Variants in PHEX observed in about 807,000 individuals in gnomAD.
PHEX encodes the protein phosphate regulating endopeptidase X-linked, also known as phosphate-regulating neutral endopeptidase PHEX.
In PHEX, 16 loss-of-function variants were observed where a neutral mutation model predicts 68.0. That is an observed-to-expected ratio of 0.24 (90% CI 0.16 to 0.36). The LOEUF (loss-of-function observed/expected upper bound fraction) is 0.36. Ranked by LOEUF, PHEX falls within the 10% of genes least tolerant of loss-of-function variation. PHEX has a pLI of 1.00. For synonymous variants in PHEX, 208 were observed against 205.1 expected, an observed-to-expected ratio of 1.01 and a Z score of -0.12; for missense variants, 480 against 575.5, an observed-to-expected ratio of 0.83 and a Z score of 1.70.
rs774635644 is a variant in PHEX at position 22,232,996 on chromosome X, GT to G, written c.2070+5386del. On this transcript the variant is annotated intron_variant, in intron 20 of 21. Transcript: ENST00000379374. ...GAGCTCTTGTAAGGAAGGCCTGGTG[GT>G]GACAAAATCTCTCAGCCTTTGCTTG... 3.9e-3 allele frequency among the ~76,000 whole-genome samples: 435 copies of G among 111,306 alleles called. 2 individuals are homozygous for G. The highest frequency in any genetic ancestry group is 0.014 in the African/African-American group (417 of 30,568).
chrX:22,198,296 T>C (rs1934438481), intron 15 of PHEX, among the ~76,000 whole-genome samples: 1 of 106,917 alleles, frequency 9.4e-6, no homozygotes, highest in South Asian at 3.9e-4. Flanking sequence ...TGGTATAGAG[T>C]GTGGTTCATA....
intron 14 of PHEX, among the ~76,000 whole-genome samples, chrX:22,181,652 CTGTAGATTGCTTTTGGTAGTATGGGCGTT>C (rs1248276206): frequency 9.0e-6 from 1 of 111,603 alleles, no homozygotes; most frequent in Admixed American, 9.5e-5. Context: ...TACAGTGAAT[CTGTAGATTGCTTTTGGTAGTATGGGCGTT>C]TTCACAGTAT....
chrX:22,098,246 A>G (rs1321746923), intron 8 of PHEX, among the ~76,000 whole-genome samples: 1 of 107,533 alleles, frequency 9.3e-6, no homozygotes, highest in Non-Finnish European at 1.9e-5. Context: ...AAGAATTTAG[A>G]AGGAGGAAGA....
At chrX:22,103,669 G>A (rs1181833179) in intron 9 of PHEX, among the ~76,000 whole-genome samples, 1 of 112,259 alleles carries the variant, frequency 8.9e-6, no homozygotes, top group African/African-American at 3.2e-5. Context: ...ATTCCATGGT[G>A]TATATATACC....
chrX:22,090,638 A>G, intron 6 of PHEX, 141 bp downstream of exon 6: 1 of 505,240 alleles, frequency 2.0e-6, no homozygotes, highest in African/African-American at 2.3e-5. Flanking sequence ...ACTTTTATTC[A>G]GGCAGATAAA....
At chrX:22,207,544 A>C (rs950434728) in intron 15 of PHEX, among the ~76,000 whole-genome samples, 4 of 111,399 alleles carry the variant, frequency 3.6e-5, no homozygotes, top group Non-Finnish European at 7.5e-5. Flanking sequence ...GTAAGTCTTG[A>C]AATGTATGAT....
At chrX:22,118,389 G>A (rs187594420) in intron 11 of PHEX, among the ~76,000 whole-genome samples, 1 of 103,428 alleles carries the variant, frequency 9.7e-6, no homozygotes, top group Admixed American at 1.1e-4. Context: ...ACAAGAGCAG[G>A]CCAGGCCAGT....
intron 12 of PHEX, among the ~76,000 whole-genome samples, chrX:22,160,932 G>A (rs1399887532): frequency 9.1e-6 from 1 of 110,115 alleles, no homozygotes; most frequent in African/African-American, 3.3e-5. Context: ...TCAGGAGTTC[G>A]AGACCAGCCT....
intron 1 of PHEX, among the ~76,000 whole-genome samples, chrX:22,037,078 GA>G (rs1399051887): frequency 1.0e-5 from 1 of 96,658 alleles, no homozygotes; most frequent in Non-Finnish European, 2.0e-5. Context: ...CAGCCTGGGT[GA>G]CAGAGTGAGA....
At chrX:22,195,243 A>T (rs1213641363) in intron 15 of PHEX, among the ~76,000 whole-genome samples, 8 of 112,083 alleles carry the variant, frequency 7.1e-5, no homozygotes, top group Non-Finnish European at 1.5e-4. Context: ...ATTGTGTCAC[A>T]AGACAAACAG....
At chrX:22,187,812 G>C (rs1163450276) in intron 14 of PHEX, among the ~76,000 whole-genome samples, 1 of 111,885 alleles carries the variant, frequency 8.9e-6, no homozygotes, top group Non-Finnish European at 1.9e-5. Context: ...CTAGGTTTCG[G>C]TTTTGAAGAG....
intron 12 of PHEX, among the ~76,000 whole-genome samples, chrX:22,142,772 C>A (rs1932524757): frequency 8.9e-6 from 1 of 112,452 alleles, no homozygotes; most frequent in South Asian, 3.7e-4. Flanking sequence ...CTCCCTTTTG[C>A]CTGCAAGGAG....
In PHEX at chrX:22,250,422, G is replaced by GAAGT. The variant is rs1936536281; in HGVS notation, c.*2470_*2473dup. ...AGCACGTTCAATGGAGGAGAGCCAT[G>GAAGT]AAGTTTTACAAAAATAATTATGGTA... On this transcript the variant is annotated 3_prime_UTR_variant, in exon 22 of 22. Coordinates refer to ENST00000379374, the MANE Select transcript of PHEX (RefSeq NM_000444.6). 8.9e-6 allele frequency: 1 copy of GAAGT among 111,832 alleles called. No individual in the cohort carries two copies. The highest frequency in any genetic ancestry group is 1.9e-5 in the Non-Finnish European group (1 of 53,191). 9.2% of individuals were successfully genotyped at this position (111,832 alleles called of 1,213,427 possible).
chrX:22,159,041 G>T (rs1052192739), intron 12 of PHEX, among the ~76,000 whole-genome samples: 2 of 113,027 alleles, frequency 1.8e-5, no homozygotes, highest in South Asian at 7.2e-4. Context: ...GAGATCTGTC[G>T]CATGTAAATG....
At chrX:22,147,657 A>G (rs1932753505) in intron 12 of PHEX, among the ~76,000 whole-genome samples, 1 of 111,109 alleles carries the variant, frequency 9.0e-6, no homozygotes. Flanking sequence ...ACAGCCTGAT[A>G]CCAAGAGAAG....
At chrX:22,130,548 C>CAA (rs35621431) in intron 11 of PHEX, among the ~76,000 whole-genome samples, 414 of 29,917 alleles carry the variant, frequency 0.014, 11 homozygotes, top group African/African-American at 0.04. Context: ...GACTCATTCT[C>CAA]AAAAAAAAAA....
Position 22,185,756 on chromosome X carries a change from GTT to G in PHEX, c.1587-4672_1587-4671del, listed in dbSNP as rs3085228. Among the ~76,000 whole-genome samples, 19 of 87,765 alleles carry G rather than the reference GTT, an allele frequency of 2.2e-4. 1 individual carries two copies. The South Asian group carries it at 8.6e-3, about 40-fold the overall frequency. The allele number at this position is 87,765 out of a possible 115,157, so 76.2% of individuals were successfully genotyped here. On this transcript the variant is annotated intron_variant, in intron 14 of 21. Transcript: ENST00000379374. ...CTCAGCTGCATGGTTCTCGTTTGTG[GTT>G]TTTTTTTTTTTTTTTGGACACAGAG...
At chrX:22,224,777 C>A (rs1602409196) in intron 18 of PHEX, among the ~76,000 whole-genome samples, 2 of 108,674 alleles carry the variant, frequency 1.8e-5, no homozygotes, top group South Asian at 8.3e-4. Flanking sequence ...ATAATATTTT[C>A]CAAAGATTTG....
chrX:22,057,866 T>C (rs1303459128), intron 3 of PHEX, among the ~76,000 whole-genome samples: 1 of 111,708 alleles, frequency 9.0e-6, no homozygotes, highest in African/African-American at 3.3e-5. Flanking sequence ...GAATGTGCCC[T>C]CTGTGGTTGG....
Sources: gnomAD v4.1 joint callset for allele counts (sites outside exome capture counted in the v4.1 genomes callset) on GRCh38, gnomAD v4.1.1 for gene constraint, MANE v1.5 for transcripts, NCBI Gene and HGNC (gene_info 2026-07-23, HGNC 2026-07-21) for gene names.